The following MTMR2 variants were observed in gnomAD, a reference collection of about 807,000 sequenced individuals.
MTMR2 encodes the protein myotubularin related protein 2, also known as phosphatidylinositol-3,5-bisphosphate 3-phosphatase MTMR2.
In MTMR2, 55 loss-of-function variants were observed where a neutral mutation model predicts 86.9. The ratio of observed to expected loss-of-function variants is 0.63; its 90% CI spans 0.51 to 0.79. The LOEUF is 0.79. MTMR2 is among the 30% of genes least tolerant of loss of function. The pLI is 0.00. For synonymous variants in MTMR2, 241 were observed against 266.8 expected, an observed-to-expected ratio of 0.90 and a Z score of 0.94; for missense variants, 659 against 772.3, an observed-to-expected ratio of 0.85 and a Z score of 1.74.
At chr11:95,871,064 A>T (rs1864860687) in intron 2 of MTMR2, among the ~76,000 whole-genome samples, 1 of 151,804 alleles carries the variant, frequency 6.6e-6, no homozygotes, top group African/African-American at 2.4e-5. Flanking sequence ...AAGGACACAA[A>T]CTCATCATTT....
chr11:95,856,910 T>G (rs1311050297), intron 7 of MTMR2, among the ~76,000 whole-genome samples: 2 of 152,186 alleles, frequency 1.3e-5, no homozygotes, highest in Non-Finnish European at 1.5e-5. Flanking sequence ...CTCCTGTTTC[T>G]TGTATACTCT....
intron 1 of MTMR2, among the ~76,000 whole-genome samples, chr11:95,889,364 C>G (rs1043422280): frequency 1.3e-5 from 2 of 152,014 alleles, no homozygotes; most frequent in Non-Finnish European, 2.9e-5. Context: ...AACTCCTGAC[C>G]TCAACTGATG....
At position 95,853,145 on chromosome 11, in the gene MTMR2, T is replaced by C. The variant is rs182852579; in HGVS notation, c.655-2396A>G. Among the ~76,000 whole-genome samples, 1,119 of 150,108 alleles carry C rather than the reference T, an allele frequency of 7.5e-3. 7 individuals are homozygous for C. Among genetic ancestry groups the C allele is most frequent in the Non-Finnish European group, 0.011 (766 of 67,624 alleles). Reference sequence around the variant, plus strand: ...TATGTATATATCATATATATACTTATATATTTTTTTCACATGCTGTACTAA... The same window carrying C: ...TATGTATATATCATATATATACTTACATATTTTTTTCACATGCTGTACTAA... On this transcript the variant is annotated intron_variant, in intron 7 of 14. Transcript: ENST00000346299.
intron 13 of MTMR2, among the ~76,000 whole-genome samples, chr11:95,836,694 A>G (rs895205223): frequency 6.6e-6 from 1 of 152,040 alleles, no homozygotes; most frequent in African/African-American, 2.4e-5. Context: ...ACACAATGGA[A>G]TATTATTCAG....
chr11:95,887,829 C>A, intron 2 of MTMR2: 1 of 286,248 alleles, frequency 3.5e-6, no homozygotes, highest in East Asian at 9.7e-5. Context: ...TAGAACAACG[C>A]TTGGCACACA....
chr11:95,849,687 G>A lies in MTMR2; in HGVS notation c.980C>T (p.Ala327Val), dbSNP rs1378694236. Reference sequence around the variant, plus strand: ...AGACCATCTGACCTTGTTGGCAACAGCATTAACACTTGGCCGGGCATCAAA... The same window carrying A: ...AGACCATCTGACCTTGTTGGCAACAACATTAACACTTGGCCGGGCATCAAA... ...FIFDARPSVN[A>V]VANKAKGGGY... Residue 327 changes from alanine (A) to valine (V), a missense_variant, in exon 9 of 15, where the codon GCT becomes GTT. Physicochemically the swap from Ala to Val is moderately conservative, Grantham distance 64. Transcript: ENST00000346299. 2 of 1,613,708 alleles carry A rather than the reference G, an allele frequency of 1.2e-6. No homozygotes were observed. The highest frequency in any genetic ancestry group is 3.3e-5 in the Admixed American group (2 of 59,994).
chr11:95,867,963 T>A (rs911305421), intron 2 of MTMR2, among the ~76,000 whole-genome samples: 2 of 152,026 alleles, frequency 1.3e-5, no homozygotes, highest in African/African-American at 4.8e-5. Flanking sequence ...TAAGCCATAT[T>A]TTCTAATAAA....
chr11:95,862,494 A>G, intron 3 of MTMR2, 128 bp from the exon 4 acceptor site: 1 of 756,152 alleles, frequency 1.3e-6, no homozygotes, highest in South Asian at 1.5e-5. Context: ...AGTAATTTCC[A>G]GAGACCTCAG....
At chr11:95,872,799 A>G (rs1216400973) in intron 2 of MTMR2, among the ~76,000 whole-genome samples, 4 of 152,092 alleles carry the variant, frequency 2.6e-5, no homozygotes, top group Non-Finnish European at 4.4e-5. Context: ...TCAATACCTA[A>G]TGTATTGAGA....
intron 2 of MTMR2, among the ~76,000 whole-genome samples, chr11:95,883,602 G>A (rs1272411276): frequency 6.6e-6 from 1 of 152,102 alleles, no homozygotes; most frequent in Non-Finnish European, 1.5e-5. Context: ...ACATCTACCA[G>A]ATTACATCTG....
At chr11:95,883,387 G>T (rs1221176969) in intron 2 of MTMR2, among the ~76,000 whole-genome samples, 1 of 152,122 alleles carries the variant, frequency 6.6e-6, no homozygotes, top group Non-Finnish European at 1.5e-5. Flanking sequence ...TTTAAAAATT[G>T]CAAATGAGTT....
intron 7 of MTMR2, among the ~76,000 whole-genome samples, chr11:95,854,948 T>A (rs1864156434): frequency 6.6e-6 from 1 of 151,760 alleles, no homozygotes; most frequent in South Asian, 2.1e-4. Flanking sequence ...TAGCTGTGAC[T>A]ACAAGCATGT....
At chr11:95,859,193 A>C (rs1347000612) in intron 5 of MTMR2, among the ~76,000 whole-genome samples, 2 of 152,126 alleles carry the variant, frequency 1.3e-5, no homozygotes, top group Non-Finnish European at 2.9e-5. Context: ...ACCCTGCCTG[A>C]AAGTGTTCCT....
chr11:95,835,475 T>G (rs374025895), intron 14 of MTMR2, 24 bp from the exon 15 acceptor site: 7 of 1,588,488 alleles, frequency 4.4e-6, no homozygotes, highest in Non-Finnish European at 6.0e-6. Flanking sequence ...ACATAAAATA[T>G]TCAACTAGGC....
chr11:95,839,085 G>C (rs1863422750), intron 12 of MTMR2, among the ~76,000 whole-genome samples: 1 of 151,868 alleles, frequency 6.6e-6, no homozygotes, highest in Admixed American at 6.6e-5. Flanking sequence ...TTCCTTTATA[G>C]TGGAGGAAAA....
chr11:95,874,146 T>C (rs1258845433), intron 2 of MTMR2, among the ~76,000 whole-genome samples: 3 of 152,184 alleles, frequency 2.0e-5, no homozygotes, highest in Non-Finnish European at 4.4e-5. Context: ...TTCCTGGATA[T>C]CCTTGTTAAC....
At chr11:95,890,440 C>G (rs1180511888) in intron 1 of MTMR2, among the ~76,000 whole-genome samples, 1 of 152,160 alleles carries the variant, frequency 6.6e-6, no homozygotes, top group East Asian at 1.9e-4. Context: ...TTGCTATTCT[C>G]TTCCTTGTGG....
intron 11 of MTMR2, among the ~76,000 whole-genome samples, chr11:95,842,932 C>G (rs751629546): frequency 9.9e-5 from 15 of 150,966 alleles, no homozygotes; most frequent in Non-Finnish European, 2.1e-4. Flanking sequence ...CTTAAGTACA[C>G]TTTTTTTTTA....
At chr11:95,890,438 C>G (rs1865676820) in intron 1 of MTMR2, among the ~76,000 whole-genome samples, 1 of 152,160 alleles carries the variant, frequency 6.6e-6, no homozygotes, top group Non-Finnish European at 1.5e-5. Context: ...GCTTGCTATT[C>G]TCTTCCTTGT....
Sources: gnomAD v4.1 joint callset for allele counts (sites outside exome capture counted in the v4.1 genomes callset) on GRCh38, gnomAD v4.1.1 for gene constraint, MANE v1.5 for transcripts, NCBI Gene and HGNC (gene_info 2026-07-23, HGNC 2026-07-21) for gene names.